The following LOXL2 variants were observed in gnomAD, a reference collection of about 807,000 sequenced individuals.
LOXL2 encodes the protein lysyl oxidase like 2, also known as lysyl oxidase homolog 2.
In LOXL2, 70 loss-of-function variants were observed where a neutral mutation model predicts 93.0. That is an observed-to-expected ratio of 0.75 (90% CI 0.62 to 0.92). LOXL2 has a LOEUF of 0.92. Among genes scored for constraint, LOXL2 ranks in the 40% least tolerant of loss-of-function variants. The probability of loss-of-function intolerance (pLI) is 0.00; values close to 1 mark genes in which losing one functional copy is unlikely to be tolerated. For missense variants in LOXL2, 973 were observed against 1,054.9 expected (o/e 0.92, Z 1.08); for synonymous variants, 438 against 413.2 (o/e 1.06, Z -0.73).
At chr8:23,393,397 T>G (rs1163010724) in intron 1 of LOXL2, among the ~76,000 whole-genome samples, 2 of 152,172 alleles carry the variant, frequency 1.3e-5, no homozygotes, top group African/African-American at 4.8e-5. Context: ...AGAAATAAAC[T>G]CATATATCTA....
At chr8:23,303,500 AC>A (rs1464809121) in intron 10 of LOXL2, 103 bp from the exon 11 acceptor site, 1 of 700,002 alleles carries the variant, frequency 1.4e-6, no homozygotes, top group African/African-American at 1.7e-5. Context: ...CTTCCAGGGG[AC>A]CAGAGGGGGC....
chr8:23,331,888 T>G (rs993398877), intron 5 of LOXL2: 1 of 151,412 alleles, frequency 6.6e-6, no homozygotes, highest in Admixed American at 6.6e-5. Context: ...ATACAAAAAT[T>G]AGCGAGGCGT....
rs939789763 is a variant in LOXL2 at position 23,383,730 on chromosome 8, G to T, written c.-83-15296C>A. Among the ~76,000 whole-genome samples, 4 of 139,242 alleles carry T rather than the reference G, an allele frequency of 2.9e-5. No homozygotes were observed. The South Asian group carries it at 9.1e-4, about 32-fold the overall frequency. 91.3% of individuals were successfully genotyped at this position (139,242 alleles called of 152,430 possible). A position where few individuals can be genotyped will look rare whatever the true frequency, so the allele number is the denominator to read the frequency against. Reference sequence around the variant, plus strand: ...GGCTGGAGTGCAGTGGCGCAATCTCGGCTCACTGCAAGCTCTGCCTCCCGG... The same window carrying T: ...GGCTGGAGTGCAGTGGCGCAATCTCTGCTCACTGCAAGCTCTGCCTCCCGG... On this transcript the variant is annotated intron_variant, in intron 1 of 13. Transcript: ENST00000389131.
intron 8 of LOXL2, among the ~76,000 whole-genome samples, chr8:23,317,601 G>A (rs1803423568): frequency 6.6e-6 from 1 of 152,202 alleles, no homozygotes; most frequent in Non-Finnish European, 1.5e-5. Flanking sequence ...CATTAGACAT[G>A]TTATAAAGAC....
chr8:23,310,243 C>A (rs529812718), intron 9 of LOXL2, among the ~76,000 whole-genome samples: 4 of 152,156 alleles, frequency 2.6e-5, no homozygotes, highest in African/African-American at 9.7e-5. Context: ...GTGATGAGCA[C>A]GTGGGGGTTG....
At chr8:23,340,945 G>T in intron 4 of LOXL2, 47 bp downstream of exon 4, 1 of 1,522,388 alleles carries the variant, frequency 6.6e-7, no homozygotes, top group Non-Finnish European at 9.1e-7. Flanking sequence ...ACTCTTTTAG[G>T]CAGGGCGGAT....
At position 23,317,049 on chromosome 8, in the gene LOXL2, C is replaced by T. The variant is rs141290588; in HGVS notation, c.1536G>A (p.Ser512=). The change falls in exon 9 of 14, where the codon TCG becomes TCA. Residue 512 remains serine (S), a synonymous_variant. Coordinates refer to ENST00000389131, the MANE Select transcript of LOXL2 (RefSeq NM_002318.3). ...AGTGCGCCAGGGACAGCTCCGTTCC[C>T]GAGCACTTCACTCCACTCATGACCA... The part of the protein sequence containing the change: ...NKVVMSGVKC[S]GTELSLAHCR... The T allele has an allele frequency of 5.1e-4, 822 of 1,614,196 alleles. 2 individuals carry two copies. The highest frequency in any genetic ancestry group is 6.2e-4 in the Non-Finnish European group (734 of 1,180,020).
intron 4 of LOXL2, among the ~76,000 whole-genome samples, chr8:23,338,808 A>G (rs1803836757): frequency 6.6e-6 from 1 of 152,094 alleles, no homozygotes; most frequent in Non-Finnish European, 1.5e-5. Context: ...TCCTGCCACA[A>G]CCCTCAGACT....
At chr8:23,356,655 C>A (rs1804204979) in intron 3 of LOXL2, among the ~76,000 whole-genome samples, 1 of 152,114 alleles carries the variant, frequency 6.6e-6, no homozygotes, top group Non-Finnish European at 1.5e-5. Context: ...ATGAAAGTTC[C>A]CTAAGTCTCT....
chr8:23,370,662 C>T (rs1014808205), intron 1 of LOXL2: 8 of 152,100 alleles, frequency 5.3e-5, no homozygotes, highest in Admixed American at 2.0e-4. Flanking sequence ...TGCTTTCCCC[C>T]GGAAGATACT....
At chr8:23,319,116 C>T (rs1049094860) in intron 8 of LOXL2, among the ~76,000 whole-genome samples, 2 of 152,196 alleles carry the variant, frequency 1.3e-5, no homozygotes, top group African/African-American at 4.8e-5. Flanking sequence ...GAAGTGTTTA[C>T]AACCAGGATA....
chr8:23,348,297 C>A (rs944960849), intron 3 of LOXL2, among the ~76,000 whole-genome samples: 5 of 151,718 alleles, frequency 3.3e-5, no homozygotes, highest in Non-Finnish European at 5.9e-5. Context: ...GGGAGAAATA[C>A]CTAATGTAAA....
At position 23,315,137 on chromosome 8, in the gene LOXL2, A is replaced by C. The variant is rs1161962520; in HGVS notation, c.1636+1812T>G. 3.3e-5 allele frequency among the ~76,000 whole-genome samples: 5 copies of C among 152,170 alleles called. No homozygotes were observed. In the East Asian group the frequency reaches 9.7e-4, roughly 29 times the overall value. ...CACTGTAGGGATCTCCTTTGCAGTG[A>C]TGCTGTGTGGTCATCTGGACACAGG... is the stretch of plus-strand genomic sequence containing the variant. On this transcript the variant is annotated intron_variant, in intron 9 of 13. Transcript: ENST00000389131.
intron 3 of LOXL2, among the ~76,000 whole-genome samples, chr8:23,341,688 C>CCCCCA (rs1160736854): frequency 6.6e-6 from 1 of 152,126 alleles, no homozygotes; most frequent in Non-Finnish European, 1.5e-5. Context: ...AGATAGAGGA[C>CCCCCA]CCCCAGATGT....
At position 23,368,242 on chromosome 8, in the gene LOXL2, A is replaced by G; in HGVS notation, c.110T>C (p.Phe37Ser). The change falls in exon 2 of 14, where the codon TTC becomes TCC. Residue 37 changes from phenylalanine (F) to serine (S), a missense_variant. Coordinates refer to ENST00000389131, the MANE Select transcript of LOXL2 (RefSeq NM_002318.3). ...GTGATACTCAGGAGCCGGTTGCTGGAAGTACTCGGGGTAATGGGGCCAGCT... is the reference window on the plus strand; with the variant it reads ...GTGATACTCAGGAGCCGGTTGCTGGGAGTACTCGGGGTAATGGGGCCAGCT... ...YDSWPHYPEY[F>S]QQPAPEYHQP... The G allele has an allele frequency of 1.2e-6, 2 of 1,613,924 alleles. No individual in the cohort carries two copies. Among genetic ancestry groups the G allele is most frequent in the East Asian group, 4.5e-5 (2 of 44,866 alleles).
intron 10 of LOXL2, among the ~76,000 whole-genome samples, chr8:23,309,361 A>C (rs1425059437): frequency 6.6e-6 from 1 of 152,230 alleles, no homozygotes; most frequent in African/African-American, 2.4e-5. Context: ...CTGTGGACAC[A>C]CTTGGAAACC....
At chr8:23,332,918 GA>G (rs1563193107) in intron 5 of LOXL2, among the ~76,000 whole-genome samples, 1 of 146,330 alleles carries the variant, frequency 6.8e-6, no homozygotes, top group Non-Finnish European at 1.5e-5. Context: ...CCCCCCCACA[GA>G]GGGGGGGTGT....
At chr8:23,392,126 G>A (rs1804854030) in intron 1 of LOXL2, among the ~76,000 whole-genome samples, 1 of 152,198 alleles carries the variant, frequency 6.6e-6, no homozygotes, top group Non-Finnish European at 1.5e-5. Flanking sequence ...GCCTGTGCTT[G>A]TCCTATGACA....
chr8:23,303,943 C>G (rs755129111), intron 10 of LOXL2, among the ~76,000 whole-genome samples: 8 of 152,230 alleles, frequency 5.3e-5, no homozygotes, highest in Non-Finnish European at 1.2e-4. Flanking sequence ...AGGACACACA[C>G]AGGTACCCCA....
Sources: allele counts gnomAD v4.1 joint callset (sites outside exome capture counted in the v4.1 genomes callset), GRCh38; gene constraint gnomAD v4.1.1; transcripts MANE v1.5; gene names NCBI Gene and HGNC (gene_info 2026-07-23, HGNC 2026-07-21).